KLHL28: variants seen among roughly 807,000 people sequenced by gnomAD.
The protein encoded by KLHL28 is kelch like family member 28, also known as kelch-like protein 28.
A neutral mutation model predicts 48.3 loss-of-function variants in KLHL28; 22 were observed. The observed-to-expected ratio is 0.46, with a 90% confidence interval of 0.33 to 0.65. KLHL28 has a LOEUF of 0.65. KLHL28 is among the 30% of genes least tolerant of loss of function. The probability of loss-of-function intolerance (pLI) is 0.03; values close to 1 mark genes in which losing one functional copy is unlikely to be tolerated. For synonymous variants in KLHL28, 243 were observed against 242.4 expected, an observed-to-expected ratio of 1.00 and a Z score of -0.02; for missense variants, 527 against 704.3, an observed-to-expected ratio of 0.75 and a Z score of 2.85.
Position 44,926,278 on chromosome 14 carries a change from C to A in KLHL28, c.*2750G>T, listed in dbSNP as rs1349354368. The A allele has an allele frequency of 6.6e-6, 1 of 152,138 alleles. No homozygotes were observed. Among genetic ancestry groups the A allele is most frequent in the East Asian group, 1.9e-4 (1 of 5,200 alleles). 9.4% of individuals were successfully genotyped at this position (152,138 alleles called of 1,614,324 possible). ...TTTTGAACATTTTTCCTCTTCCTTTCACAGATTTTCATAATTTGTTCACTG... is the reference window on the plus strand; with the variant it reads ...TTTTGAACATTTTTCCTCTTCCTTTAACAGATTTTCATAATTTGTTCACTG... On this transcript the variant is annotated 3_prime_UTR_variant, in exon 5 of 5. Coordinates refer to ENST00000396128, the MANE Select transcript of KLHL28 (RefSeq NM_017658.5).
rs1369466950 is a variant in KLHL28 at position 44,945,594 on chromosome 14, G to T, written c.335C>A (p.Ala112Glu). ...GACAAGTTTTATCTGGAGTAGGTTT[G>T]CTGCTGGCAGGAGAGATTCAACTGT... ...QDTVESLLPA[A>E]NLLQIKLVLK... Residue 112 changes from alanine to glutamate, a missense_variant, in exon 2 of 5, where the codon GCA becomes GAA. Coordinates refer to ENST00000396128, the MANE Select transcript of KLHL28 (RefSeq NM_017658.5). The T allele has an allele frequency of 6.2e-7, 1 of 1,614,184 alleles. No homozygotes were observed. The highest frequency in any genetic ancestry group is 8.5e-7 in the Non-Finnish European group (1 of 1,180,024).
intron 1 of KLHL28, among the ~76,000 whole-genome samples, chr14:44,958,691 T>C (rs1884905164): frequency 6.6e-6 from 1 of 152,118 alleles, no homozygotes; most frequent in African/African-American, 2.4e-5. Context: ...TTGAACTTGC[T>C]TTCTTCTGTG....
intron 3 of KLHL28, 102 bp downstream of exon 3, chr14:44,934,013 A>G (rs1430559758): frequency 2.4e-6 from 2 of 846,594 alleles, no homozygotes; most frequent in African/African-American, 3.4e-5. Context: ...CAAATGCCGG[A>G]AGTTCATTCA....
chr14:44,954,717 A>G (rs145822863), intron 1 of KLHL28, among the ~76,000 whole-genome samples: 91 of 152,334 alleles, frequency 6.0e-4, no homozygotes, highest in Non-Finnish European at 1.1e-3. Context: ...AAACTAGAGG[A>G]TAGAGATAGA....
At position 44,945,518 on chromosome 14, in the gene KLHL28, A is replaced by G. The variant is rs1245401160; in HGVS notation, c.411T>C (p.Cys137=). 1.9e-6 allele frequency: 3 copies of G among 1,614,104 alleles called. No homozygotes were observed. Among genetic ancestry groups the G allele is most frequent in the African/African-American group, 1.3e-5 (1 of 74,930 alleles). The change falls in exon 2 of 5, where the codon TGT becomes TGC. Residue 137 remains cysteine (C), a synonymous_variant. Coordinates refer to ENST00000396128, the MANE Select transcript of KLHL28 (RefSeq NM_017658.5). ...TTTCTGCAAAACGAGAAATTCCAAT[A>G]CAATTACCAGGATCAAGTTGGCTTT... The part of the protein sequence containing the change: ...FLESQLDPGN[C]IGISRFAETY...
chr14:44,959,262 T>C (rs1884932101), intron 1 of KLHL28: 1 of 152,110 alleles, frequency 6.6e-6, no homozygotes, highest in South Asian at 2.1e-4. Context: ...ACCCATAAAA[T>C]GTTCCATAGT....
At chr14:44,960,159 G>A (rs1237485162) in intron 1 of KLHL28, among the ~76,000 whole-genome samples, 1 of 152,118 alleles carries the variant, frequency 6.6e-6, no homozygotes, top group East Asian at 1.9e-4. Context: ...AAAAAAACAA[G>A]AATCAAAAGG....
chr14:44,959,641 A>G (rs894050704), intron 1 of KLHL28: 2 of 152,176 alleles, frequency 1.3e-5, no homozygotes, highest in Admixed American at 6.5e-5. Flanking sequence ...GTTCAGCTAA[A>G]AAAATTAACA....
intron 1 of KLHL28, chr14:44,953,615 G>C (rs1348316773): frequency 6.6e-6 from 1 of 152,470 alleles, no homozygotes; most frequent in Non-Finnish European, 1.5e-5. Context: ...ACTCTGCAGA[G>C]TTCTTACCAG....
chr14:44,932,591 C>A (rs905259843), intron 3 of KLHL28, among the ~76,000 whole-genome samples: 2 of 152,128 alleles, frequency 1.3e-5, no homozygotes, highest in African/African-American at 4.8e-5. Context: ...CCTGAAAAAA[C>A]CATAAGCATT....
intron 3 of KLHL28, among the ~76,000 whole-genome samples, chr14:44,933,432 T>G (rs970073146): frequency 1.3e-5 from 2 of 151,738 alleles, no homozygotes; most frequent in African/African-American, 4.8e-5. Context: ...CACGTCAGCC[T>G]CCCAAAGTAT....
At chr14:44,957,148 T>C (rs955296568) in intron 1 of KLHL28, among the ~76,000 whole-genome samples, 9 of 152,076 alleles carry the variant, frequency 5.9e-5, no homozygotes, top group African/African-American at 1.9e-4. Flanking sequence ...GTAGATGAAA[T>C]AATATGTTGT....
chr14:44,928,983 C>A lies in KLHL28; in HGVS notation c.*45G>T. 1 of 1,575,834 alleles carries A rather than the reference C, an allele frequency of 6.3e-7. No individual in the cohort carries two copies. Among genetic ancestry groups the A allele is most frequent in the Non-Finnish European group, 8.7e-7 (1 of 1,150,188 alleles). On this transcript the variant is annotated 3_prime_UTR_variant, in exon 5 of 5. Coordinates refer to ENST00000396128, the MANE Select transcript of KLHL28 (RefSeq NM_017658.5). ...AAACTGGGCCATCCGGATGTTCATG[C>A]AGTACAAGTTTCACCACCATACTAT...
At chr14:44,934,091 C>A in intron 3 of KLHL28, 24 bp downstream of exon 3, 2 of 1,514,652 alleles carry the variant, frequency 1.3e-6, no homozygotes, top group Non-Finnish European at 9.0e-7. Context: ...TAAACATATG[C>A]AATTTAATTA....
intron 1 of KLHL28, among the ~76,000 whole-genome samples, chr14:44,947,727 T>C (rs142154775): frequency 1.3e-4 from 20 of 152,346 alleles, no homozygotes; most frequent in African/African-American, 4.6e-4. Context: ...TTTTTATCTT[T>C]GTCAAGTACG....
In KLHL28 at chr14:44,927,501, T is replaced by G. The variant is rs769248611; in HGVS notation, c.*1527A>C. 7.2e-5 allele frequency: 11 copies of G among 152,146 alleles called. No individual in the cohort carries two copies. Among genetic ancestry groups the G allele is most frequent in the African/African-American group, 1.2e-4 (5 of 41,360 alleles). The allele number at this position is 152,146 out of a possible 1,614,324, so 9.4% of individuals were successfully genotyped here. A position where few individuals can be genotyped will look rare whatever the true frequency, so the allele number is the denominator to read the frequency against. ...TTAAAAAAAATCAAGGAAAAGAAAATCAAATGACTACAGTTCCAAAATACA... is the reference window on the plus strand; with the variant it reads ...TTAAAAAAAATCAAGGAAAAGAAAAGCAAATGACTACAGTTCCAAAATACA... On this transcript the variant is annotated 3_prime_UTR_variant, in exon 5 of 5. Transcript: ENST00000396128.
At chr14:44,932,709 T>A (rs563974040) in intron 3 of KLHL28, among the ~76,000 whole-genome samples, 2 of 152,202 alleles carry the variant, frequency 1.3e-5, no homozygotes, top group Non-Finnish European at 2.9e-5. Flanking sequence ...GAAGAGTTGA[T>A]GCACTGCAGC....
At chr14:44,938,148 C>G (rs1186009440) in intron 2 of KLHL28, among the ~76,000 whole-genome samples, 2 of 152,250 alleles carry the variant, frequency 1.3e-5, no homozygotes, top group Non-Finnish European at 2.9e-5. Flanking sequence ...AGTCCAAATT[C>G]CAGAGTCTAT....
intron 2 of KLHL28, among the ~76,000 whole-genome samples, chr14:44,937,709 T>G (rs1260352637): frequency 6.6e-6 from 1 of 152,202 alleles, no homozygotes; most frequent in Non-Finnish European, 1.5e-5. Context: ...AACAGGAGTT[T>G]ATTTGGCTCA....
Sources: gnomAD v4.1 joint callset for allele counts (sites outside exome capture counted in the v4.1 genomes callset) on GRCh38, gnomAD v4.1.1 for gene constraint, MANE v1.5 for transcripts, NCBI Gene and HGNC (gene_info 2026-07-23, HGNC 2026-07-21) for gene names.